LHFPL3: variants seen among roughly 807,000 people sequenced by gnomAD.
The protein encoded by LHFPL3 is LHFPL tetraspan subfamily member 3 protein.
LHFPL3 carries 5 observed loss-of-function variants against 19.3 expected under a neutral mutation model. The observed-to-expected ratio is 0.26, with a 90% confidence interval of 0.14 to 0.54. LHFPL3 has a LOEUF of 0.54. LHFPL3 is among the 20% of genes least tolerant of loss of function. The probability of loss-of-function intolerance (pLI) is 0.94; values close to 1 mark genes in which losing one functional copy is unlikely to be tolerated. For missense variants in LHFPL3, 249 were observed against 307.4 expected (o/e 0.81, Z 1.42); for synonymous variants, 133 against 126.2 (o/e 1.05, Z -0.36).
intron 1 of LHFPL3, among the ~76,000 whole-genome samples, chr7:104,583,179 T>C (rs1317247962): frequency 5.9e-5 from 9 of 152,150 alleles, no homozygotes; most frequent in Admixed American, 5.9e-4. Context: ...TATCTGATCT[T>C]TGACAAACCT....
chr7:104,855,007 G>A (rs1791477577), intron 2 of LHFPL3, among the ~76,000 whole-genome samples: 1 of 152,218 alleles, frequency 6.6e-6, no homozygotes. Flanking sequence ...GGCGTGGGAA[G>A]CTTAATGTAT....
At chr7:104,439,196 C>T (rs529335188) in intron 1 of LHFPL3, among the ~76,000 whole-genome samples, 5 of 152,258 alleles carry the variant, frequency 3.3e-5, no homozygotes, top group Admixed American at 6.5e-5. Context: ...CCTCCCACCT[C>T]GGCCTCCAAA....
chr7:104,495,426 C>T (rs1224519638), intron 1 of LHFPL3, among the ~76,000 whole-genome samples: 1 of 152,158 alleles, frequency 6.6e-6, no homozygotes, highest in Non-Finnish European at 1.5e-5. Flanking sequence ...CTCTGTCGCC[C>T]AGGCTGGAGT....
chr7:104,565,844 C>A (rs534764102), intron 1 of LHFPL3, among the ~76,000 whole-genome samples: 36 of 151,948 alleles, frequency 2.4e-4, no homozygotes, highest in African/African-American at 8.7e-4. Context: ...TCCAAATGTT[C>A]GATTAGTCAA....
intron 2 of LHFPL3, among the ~76,000 whole-genome samples, chr7:104,747,030 T>C (rs139850270): frequency 7.2e-5 from 11 of 152,350 alleles, no homozygotes; most frequent in Admixed American, 1.3e-4. Flanking sequence ...TTTTTAAATA[T>C]AAGGGTGATC....
intron 1 of LHFPL3, among the ~76,000 whole-genome samples, chr7:104,331,289 G>A (rs905712235): frequency 2.6e-5 from 4 of 152,178 alleles, no homozygotes; most frequent in East Asian, 1.9e-4. Flanking sequence ...TGTTTTCCAC[G>A]TCATGTAAAA....
At position 104,908,433 on chromosome 7, in the gene LHFPL3, T is replaced by C. The variant is rs1344463296; in HGVS notation, c.*2218T>C. ...AAGGTGACTCCCTTTCTCATTCTGT[T>C]CTGTTGTATTGCGTCCAAAAGTTGT... On this transcript the variant is annotated 3_prime_UTR_variant, in exon 3 of 3. Coordinates refer to ENST00000424859, the MANE Select transcript of LHFPL3 (RefSeq NM_199000.3). Among the ~76,000 whole-genome samples, 6 of 152,198 alleles carry C rather than the reference T, an allele frequency of 3.9e-5. No homozygotes were observed. Among genetic ancestry groups the C allele is most frequent in the Non-Finnish European group, 1.5e-5 (1 of 68,040 alleles).
chr7:104,741,535 ATT>A (rs1212094988), intron 2 of LHFPL3, among the ~76,000 whole-genome samples: 13 of 141,542 alleles, frequency 9.2e-5, no homozygotes, highest in African/African-American at 2.6e-4. Flanking sequence ...AACTAACTTA[ATT>A]TTTTTTTTTT....
chr7:104,622,687 C>T (rs923879711), intron 1 of LHFPL3, among the ~76,000 whole-genome samples: 1 of 152,140 alleles, frequency 6.6e-6, no homozygotes, highest in Non-Finnish European at 1.5e-5. Context: ...TTGAATCATG[C>T]AATAACTGGT....
At chr7:104,744,250 T>C (rs1210977830) in intron 2 of LHFPL3, 1 of 152,202 alleles carries the variant, frequency 6.6e-6, no homozygotes, top group Admixed American at 6.5e-5. Flanking sequence ...ATCAACAGTT[T>C]AATGCATTTA....
intron 1 of LHFPL3, among the ~76,000 whole-genome samples, chr7:104,496,621 T>C (rs1793487886): frequency 6.6e-6 from 1 of 152,196 alleles, no homozygotes; most frequent in African/African-American, 2.4e-5. Context: ...CCACATCCTC[T>C]CCAGCACCTG....
intron 1 of LHFPL3, among the ~76,000 whole-genome samples, chr7:104,646,446 G>T (rs990759733): frequency 6.6e-6 from 1 of 152,138 alleles, no homozygotes; most frequent in Non-Finnish European, 1.5e-5. Context: ...TTATGATTCT[G>T]AGCTTTATTT....
At chr7:104,647,071 G>T (rs1480053208) in intron 1 of LHFPL3, among the ~76,000 whole-genome samples, 1 of 152,176 alleles carries the variant, frequency 6.6e-6, no homozygotes, top group Non-Finnish European at 1.5e-5. Flanking sequence ...AGGACAGTCT[G>T]GAAGTCTCAA....
rs375857345 is a variant in LHFPL3 at position 104,510,522 on chromosome 7, A to G, written c.445+181298A>G. 4.3e-4 allele frequency among the ~76,000 whole-genome samples: 65 copies of G among 152,312 alleles called. No individual in the cohort carries two copies. In the East Asian group the frequency reaches 9.8e-3, roughly 23 times the overall value. On this transcript the variant is annotated intron_variant, in intron 1 of 2. Transcript: ENST00000424859. Reference sequence around the variant, plus strand: ...AAATGAATCTTGACCTAAGTCTGACACTTAATACAAAAATTTACTCAACAT... The same window carrying G: ...AAATGAATCTTGACCTAAGTCTGACGCTTAATACAAAAATTTACTCAACAT...
At chr7:104,770,021 T>C (rs533912007) in intron 2 of LHFPL3, among the ~76,000 whole-genome samples, 2 of 152,308 alleles carry the variant, frequency 1.3e-5, no homozygotes, top group Non-Finnish European at 2.9e-5. Flanking sequence ...TCTGAATTTC[T>C]TTATTTAACA....
chr7:104,775,908 T>G (rs2116409890), intron 2 of LHFPL3, among the ~76,000 whole-genome samples: 1 of 152,270 alleles, frequency 6.6e-6, no homozygotes, highest in Admixed American at 6.5e-5. Context: ...ACATTTTTCT[T>G]AAGTCTTGAT....
chr7:104,769,050 T>A (rs766463367), intron 2 of LHFPL3: 1 of 152,236 alleles, frequency 6.6e-6, no homozygotes, highest in South Asian at 2.1e-4. Flanking sequence ...GATGTAGCTA[T>A]CATTTCAAAC....
intron 1 of LHFPL3, among the ~76,000 whole-genome samples, chr7:104,718,656 G>A (rs1298369652): frequency 1.3e-5 from 2 of 152,144 alleles, no homozygotes; most frequent in East Asian, 1.9e-4. Context: ...AAAAGTAATC[G>A]CAATTTTTGC....
Position 104,328,610 on chromosome 7 carries a change from C to G in LHFPL3, c.-170C>G, listed in dbSNP as rs1257664851. On this transcript the variant is annotated 5_prime_UTR_variant, in exon 1 of 3. Coordinates refer to ENST00000424859, the MANE Select transcript of LHFPL3 (RefSeq NM_199000.3). The surrounding 1 kb of genome is among the most constrained non-coding windows in gnomAD (Gnocchi z 4.6). ...GCCGGAGGGGTGCTCCGCGCTCCCC[C>G]GCCCTCCTTCCGGGAGCGAGGATGC... 4 of 643,520 alleles carry G rather than the reference C, an allele frequency of 6.2e-6. No individual in the cohort carries two copies. The highest frequency in any genetic ancestry group is 1.1e-5 in the Non-Finnish European group (4 of 374,872). 39.9% of individuals were successfully genotyped at this position (643,520 alleles called of 1,614,324 possible).
Sources: allele counts gnomAD v4.1 joint callset (sites outside exome capture counted in the v4.1 genomes callset), GRCh38; gene constraint gnomAD v4.1.1; non-coding constraint Gnocchi (gnomAD v3.1); transcripts MANE v1.5; gene names NCBI Gene and HGNC (gene_info 2026-07-23, HGNC 2026-07-21).